The following ARHGAP24 variants were observed in gnomAD, a reference collection of about 807,000 sequenced individuals.
The protein encoded by ARHGAP24 is rho GTPase-activating protein 24.
ARHGAP24 carries 50 observed loss-of-function variants against 76.4 expected under a neutral mutation model. The ratio of observed to expected loss-of-function variants is 0.65; its 90% CI spans 0.52 to 0.83. ARHGAP24 has a LOEUF of 0.83. Ranked by LOEUF, ARHGAP24 falls within the 40% of genes least tolerant of loss-of-function variation. ARHGAP24 has a pLI of 0.00. For missense variants in ARHGAP24, 930 were observed against 914.2 expected (o/e 1.02, Z -0.22); for synonymous variants, 345 against 323.3 (o/e 1.07, Z -0.72).
At chr4:85,741,267 G>A (rs746733855) in intron 3 of ARHGAP24, among the ~76,000 whole-genome samples, 11 of 152,178 alleles carry the variant, frequency 7.2e-5, no homozygotes, top group Non-Finnish European at 1.5e-4. Context: ...TCATACTAGA[G>A]ATGGGGCTAG....
intron 3 of ARHGAP24, among the ~76,000 whole-genome samples, chr4:85,755,579 C>A (rs887887091): frequency 2.0e-5 from 3 of 151,518 alleles, no homozygotes; most frequent in African/African-American, 4.8e-5. Flanking sequence ...CAGCTACTGA[C>A]CTAAGGGTGG....
chr4:85,784,996 G>T (rs1727762645), intron 3 of ARHGAP24, among the ~76,000 whole-genome samples: 1 of 151,234 alleles, frequency 6.6e-6, no homozygotes. Flanking sequence ...TCTAGATATA[G>T]ACACATAAAT....
intron 8 of ARHGAP24, 105 bp from the exon 9 acceptor site, chr4:85,994,478 T>C (rs1740523314): frequency 8.9e-7 from 1 of 1,126,686 alleles, no homozygotes; most frequent in Non-Finnish European, 1.4e-6. Flanking sequence ...GTACTGATAA[T>C]AATAATGAAT....
chr4:85,888,508 A>AT (rs1176846133), intron 3 of ARHGAP24, among the ~76,000 whole-genome samples: 6 of 151,994 alleles, frequency 3.9e-5, no homozygotes, highest in Non-Finnish European at 7.4e-5. Flanking sequence ...CTGAGCAGCA[A>AT]TTATTATATT....
At chr4:85,989,504 A>G (rs2148866521) in intron 8 of ARHGAP24, among the ~76,000 whole-genome samples, 1 of 151,856 alleles carries the variant, frequency 6.6e-6, no homozygotes, top group South Asian at 2.1e-4. Context: ...TCAGAAAAAA[A>G]GAAGTAGAGG....
At chr4:85,782,152 T>C (rs1727596789) in intron 3 of ARHGAP24, among the ~76,000 whole-genome samples, 2 of 152,164 alleles carry the variant, frequency 1.3e-5, no homozygotes, top group Admixed American at 1.3e-4. Flanking sequence ...TGAAATGTTA[T>C]TCCAATTGAA....
chr4:85,764,573 T>C (rs970421335), intron 3 of ARHGAP24, among the ~76,000 whole-genome samples: 2 of 152,166 alleles, frequency 1.3e-5, no homozygotes, highest in Non-Finnish European at 2.9e-5. Flanking sequence ...TTGTTAGTGT[T>C]GAGCTGTTTA....
chr4:85,828,681 T>C (rs1296150126), intron 3 of ARHGAP24, among the ~76,000 whole-genome samples: 2 of 152,228 alleles, frequency 1.3e-5, no homozygotes, highest in African/African-American at 4.8e-5. Flanking sequence ...CTATGTAAGC[T>C]TGTAGAAGTA....
chr4:85,563,189 A>G (rs1726668473), intron 1 of ARHGAP24, among the ~76,000 whole-genome samples: 1 of 152,170 alleles, frequency 6.6e-6, no homozygotes, highest in Non-Finnish European at 1.5e-5. Context: ...GTCATTGGCT[A>G]AGGTTTGTGG....
At chr4:85,964,844 G>C (rs148365560) in intron 5 of ARHGAP24, among the ~76,000 whole-genome samples, 1,896 of 152,134 alleles carry the variant, frequency 0.012, 32 homozygotes, top group African/African-American at 0.043. Context: ...TATACGTAAA[G>C]AGAGTGATTT....
intron 1 of ARHGAP24, among the ~76,000 whole-genome samples, chr4:85,540,371 T>G (rs1725629592): frequency 6.6e-6 from 1 of 152,338 alleles, no homozygotes; most frequent in East Asian, 1.9e-4. Flanking sequence ...AATCTTCTGA[T>G]GCACCTACTA....
At chr4:85,953,574 T>C (rs1737737219) in intron 5 of ARHGAP24, among the ~76,000 whole-genome samples, 1 of 152,080 alleles carries the variant, frequency 6.6e-6, no homozygotes, top group Admixed American at 6.5e-5. Flanking sequence ...AGACCCCACT[T>C]GCTCTCATTC....
chr4:85,539,051 T>C (rs1725579841), intron 1 of ARHGAP24, among the ~76,000 whole-genome samples: 1 of 152,214 alleles, frequency 6.6e-6, no homozygotes, highest in South Asian at 2.1e-4. Context: ...ATGGTAAATA[T>C]ATCATGGAAT....
chr4:85,662,077 C>T (rs994161583), intron 2 of ARHGAP24, among the ~76,000 whole-genome samples: 1 of 152,178 alleles, frequency 6.6e-6, no homozygotes, highest in African/African-American at 2.4e-5. Context: ...TTCTAGATCC[C>T]TGAGGAATCG....
intron 4 of ARHGAP24, among the ~76,000 whole-genome samples, chr4:85,932,778 C>T (rs996435974): frequency 1.3e-5 from 2 of 152,154 alleles, no homozygotes; most frequent in South Asian, 4.1e-4. Flanking sequence ...GTGCAGGAAG[C>T]GTTCAGCGGT....
At chr4:85,971,542 G>A (rs72660148) in intron 5 of ARHGAP24, among the ~76,000 whole-genome samples, 13,667 of 151,914 alleles carry the variant, frequency 0.09, 741 homozygotes, top group South Asian at 0.14. Context: ...TGTGGTACAG[G>A]CCTACAGTCT....
chr4:85,594,399 G>T (rs1728232297), intron 2 of ARHGAP24, among the ~76,000 whole-genome samples: 1 of 151,982 alleles, frequency 6.6e-6, no homozygotes, highest in East Asian at 1.9e-4. Context: ...TATAAACAAG[G>T]ATAATTTGAC....
rs1224259493 is a variant in ARHGAP24, at chr4:85,627,980, CT to C, written c.180+57260del. On this transcript the variant is annotated intron_variant, in intron 2 of 9. Coordinates refer to ENST00000395184, the MANE Select transcript of ARHGAP24 (RefSeq NM_001025616.3). ...ATTTTCCAGGTGCCGTCTATCACCC[CT>C]GTCTTTGACTAGGAAAGGGAATTCG... Among the ~76,000 whole-genome samples, 5 of 152,340 alleles carry C rather than the reference CT, an allele frequency of 3.3e-5. No individual in the cohort carries two copies. The South Asian group carries it at 6.2e-4, about 19-fold the overall frequency.
intron 1 of ARHGAP24, among the ~76,000 whole-genome samples, chr4:85,481,944 A>G (rs1474050608): frequency 1.3e-5 from 2 of 152,218 alleles, no homozygotes; most frequent in African/African-American, 4.8e-5. Context: ...AGAGAAGGGC[A>G]ATTATTAGAG....
Sources: gnomAD v4.1 joint callset for allele counts (sites outside exome capture counted in the v4.1 genomes callset) on GRCh38, gnomAD v4.1.1 for gene constraint, MANE v1.5 for transcripts, NCBI Gene and HGNC (gene_info 2026-07-23, HGNC 2026-07-21) for gene names.